Variants in ACTR3 observed in about 807,000 individuals in gnomAD.
The protein encoded by ACTR3 is actin-related protein 3.
Under a neutral mutation model 56.8 loss-of-function variants are expected in ACTR3, and 12 were observed. That is an observed-to-expected ratio of 0.21 (90% CI 0.14 to 0.34). The LOEUF (loss-of-function observed/expected upper bound fraction) is 0.34, where lower values mean the gene tolerates loss of function less well. Among genes scored for constraint, ACTR3 ranks in the 10% least tolerant of loss-of-function variants. The pLI is 1.00. For missense variants in ACTR3, 282 were observed against 512.5 expected (o/e 0.55, Z 4.34); for synonymous variants, 162 against 167.4 (o/e 0.97, Z 0.25).
intron 1 of ACTR3, among the ~76,000 whole-genome samples, chr2:113,911,707 G>A (rs1416003817): frequency 6.6e-6 from 1 of 151,202 alleles, no homozygotes; most frequent in Non-Finnish European, 1.5e-5. Context: ...TTAATTTGGA[G>A]GCTAAAACAT....
At chr2:113,918,036 A>C (rs532707728) in intron 3 of ACTR3, among the ~76,000 whole-genome samples, 1 of 152,348 alleles carries the variant, frequency 6.6e-6, no homozygotes, top group Non-Finnish European at 1.5e-5. Context: ...AAGGCTTTAC[A>C]GTATGAGAGG....
At position 113,942,173 on chromosome 2, in the gene ACTR3, C is replaced by A; in HGVS notation, c.685-13C>A. The A allele has an allele frequency of 1.3e-6, 2 of 1,531,666 alleles. No individual in the cohort carries two copies. The highest frequency in any genetic ancestry group is 2.7e-5 in the South Asian group (2 of 75,346). The allele number at this position is 1,531,666 out of a possible 1,614,324, so 94.9% of individuals were successfully genotyped here. A position where few individuals can be genotyped will look rare whatever the true frequency, so the allele number is the denominator to read the frequency against. ...TAAGCAAAAAAAGTTACTTTTGTTTCTTTGTTTTTCAGGAGCGCTATAGTT... is the reference window on the plus strand; with the variant it reads ...TAAGCAAAAAAAGTTACTTTTGTTTATTTGTTTTTCAGGAGCGCTATAGTT... On this transcript the variant is annotated splice_polypyrimidine_tract_variant and intron_variant, in intron 7 of 11. Coordinates refer to ENST00000263238, the MANE Select transcript of ACTR3 (RefSeq NM_005721.5).
chr2:113,892,233 A>G (rs1042959784), intron 1 of ACTR3, among the ~76,000 whole-genome samples: 1 of 152,236 alleles, frequency 6.6e-6, no homozygotes, highest in African/African-American at 2.4e-5. Flanking sequence ...GGCAACCTTG[A>G]ATTTAAAACA....
chr2:113,923,885 A>G (rs1382988430), intron 3 of ACTR3, among the ~76,000 whole-genome samples: 1 of 151,316 alleles, frequency 6.6e-6, no homozygotes, highest in Non-Finnish European at 1.5e-5. Context: ...TCACCTACCT[A>G]TTTCCTGGCT....
At chr2:113,932,252 A>C (rs1319556495) in intron 5 of ACTR3, among the ~76,000 whole-genome samples, 4 of 152,212 alleles carry the variant, frequency 2.6e-5, no homozygotes, top group Non-Finnish European at 5.9e-5. Flanking sequence ...TCTGCTGCTA[A>C]AAATATTTAA....
intron 10 of ACTR3, chr2:113,954,560 C>T (rs1680175726): frequency 6.6e-6 from 1 of 150,720 alleles, no homozygotes; most frequent in African/African-American, 2.4e-5. Context: ...TAATACCACT[C>T]ATCATTAATT....
At chr2:113,890,080 C>T, upstream of ACTR3, 2 of 626,348 alleles carry the variant, frequency 3.2e-6, no homozygotes, top group South Asian at 3.6e-5. Flanking sequence ...GGACTGCCTG[C>T]CTGCCTGGGT....
chr2:113,933,637 C>T (rs980207056), intron 5 of ACTR3, among the ~76,000 whole-genome samples: 1 of 150,074 alleles, frequency 6.7e-6, no homozygotes, highest in Middle Eastern at 3.4e-3. Context: ...GGCCAGCCCA[C>T]GTGGACATAG....
At chr2:113,890,086 T>G (rs1482420853), upstream of ACTR3, 1 of 638,920 alleles carries the variant, frequency 1.6e-6, no homozygotes, top group Non-Finnish European at 2.8e-6. Context: ...CCTGCCTGCC[T>G]GGGTTGCGGA....
At chr2:113,897,366 T>A (rs141938419) in intron 1 of ACTR3, among the ~76,000 whole-genome samples, 1 of 152,062 alleles carries the variant, frequency 6.6e-6, no homozygotes, top group African/African-American at 2.4e-5. Context: ...AAAATTCTAG[T>A]TTTTTTAAAG....
At position 113,951,750 on chromosome 2, in the gene ACTR3, T is replaced by C; in HGVS notation, c.982T>C (p.Phe328Leu). The C allele has an allele frequency of 6.2e-7, 1 of 1,613,422 alleles. No individual in the cohort carries two copies. Among genetic ancestry groups the C allele is most frequent in the Non-Finnish European group, 8.5e-7 (1 of 1,179,500 alleles). Residue 328 changes from phenylalanine to leucine, a missense_variant, in exon 10 of 12, where the codon TTC becomes CTC. Coordinates refer to ENST00000263238, the MANE Select transcript of ACTR3 (RefSeq NM_005721.5). ...NIVLSGGSTM[F>L]RDFGRRLQRD... is the part of the protein sequence containing the mutation. ...TGTCCTCTCTGGAGGTTCAACCATG[T>C]TCAGGGACTTTGGACGTCGCTTGCA... is the stretch of plus-strand genomic sequence containing the variant.
At chr2:113,956,100 C>A (rs28623738) in intron 11 of ACTR3, among the ~76,000 whole-genome samples, 13 of 151,868 alleles carry the variant, frequency 8.6e-5, no homozygotes, top group African/African-American at 3.1e-4. Context: ...TATGTTGGGC[C>A]AGGCTGGTCT....
rs1478924005 is a variant in ACTR3 at position 113,942,239 on chromosome 2, T to C, written c.738T>C (p.Asp246=). Residue 246 remains aspartate (D), a synonymous_variant, in exon 8 of 12, where the codon GAT becomes GAC. Coordinates refer to ENST00000263238, the MANE Select transcript of ACTR3 (RefSeq NM_005721.5). ...PDLVKEFNKY[D]TDGSKWIKQY... The stretch of plus-strand genomic sequence containing the variant: ...TAGTAAAAGAATTTAACAAGTATGA[T>C]ACAGATGGGTCAAAATGGATTAAAC... 1.2e-6 allele frequency: 2 copies of C among 1,603,822 alleles called. No homozygotes were observed. The highest frequency in any genetic ancestry group is 1.3e-5 in the African/African-American group (1 of 74,378).
chr2:113,952,097 C>T, intron 10 of ACTR3: 2 of 382,710 alleles, frequency 5.2e-6, no homozygotes, highest in Non-Finnish European at 9.5e-6. Context: ...AAATACCTCT[C>T]TCATAGATAA....
chr2:113,917,048 A>AT, intron 3 of ACTR3, 40 bp downstream of exon 3: 1 of 1,546,864 alleles, frequency 6.5e-7, no homozygotes. Context: ...TTTTCAAAAA[A>AT]TAGTTTGTTC....
Position 113,890,118 on chromosome 2 carries a change from C to T in ACTR3, c.-162C>T, listed in dbSNP as rs895799255. The T allele has an allele frequency of 2.4e-6, 2 of 833,368 alleles. No homozygotes were observed. The highest frequency in any genetic ancestry group is 3.8e-6 in the Non-Finnish European group (2 of 523,552). 51.6% of individuals were successfully genotyped at this position (833,368 alleles called of 1,614,324 possible). Reference sequence around the variant, plus strand: ...CGGAAGTGATAGCCGCCGACCGAGCCTGCTGCTTTCTTGCTACTGCTTCGG... The same window carrying T: ...CGGAAGTGATAGCCGCCGACCGAGCTTGCTGCTTTCTTGCTACTGCTTCGG... On this transcript the variant is annotated 5_prime_UTR_variant, in exon 1 of 12. Transcript: ENST00000263238.
rs1169740569 is a variant in ACTR3 at position 113,903,665 on chromosome 2, T to C, written c.45-9507T>C. ...ATTCTCCTGCCTCAGCCTCCCATAA[T>C]TTATTTTTAGTAGAGATGGAGTCTC... On this transcript the variant is annotated intron_variant, in intron 1 of 11. Transcript: ENST00000263238. Among the ~76,000 whole-genome samples the C allele has an allele frequency of 2.0e-5, 3 of 151,188 alleles. 1 individual carries two copies. Among genetic ancestry groups the C allele is most frequent in the Non-Finnish European group, 4.4e-5 (3 of 67,780 alleles).
intron 1 of ACTR3, among the ~76,000 whole-genome samples, chr2:113,908,297 A>G (rs1200766885): frequency 4.0e-5 from 6 of 149,974 alleles, no homozygotes; most frequent in Non-Finnish European, 7.4e-5. Context: ...AACTTCTACC[A>G]TCTACTTGTA....
At position 113,951,446 on chromosome 2, in the gene ACTR3, T is replaced by C. The variant is rs867057685; in HGVS notation, c.859-33T>C. On this transcript the variant is annotated intron_variant, in intron 8 of 11. Transcript: ENST00000263238. ...ATTGTGATATTTGTCAGTAGTGATA[T>C]GATCTCTATTATATATCCAACTTAT... 10 of 1,411,626 alleles carry C rather than the reference T, an allele frequency of 7.1e-6. No homozygotes were observed. The Middle Eastern group carries it at 5.3e-4, about 75-fold the overall frequency. The allele number at this position is 1,411,626 out of a possible 1,614,324, so 87.4% of individuals were successfully genotyped here.
Sources: gnomAD v4.1 joint callset for allele counts (sites outside exome capture counted in the v4.1 genomes callset) on GRCh38, gnomAD v4.1.1 for gene constraint, MANE v1.5 for transcripts, NCBI Gene and HGNC (gene_info 2026-07-23, HGNC 2026-07-21) for gene names.